MIS18A: variants seen among roughly 807,000 people sequenced by gnomAD.
MIS18A encodes the protein protein Mis18-alpha.
A neutral mutation model predicts 25.0 loss-of-function variants in MIS18A; 14 were observed. The observed-to-expected ratio is 0.56, with a 90% CI of 0.37 to 0.88. The LOEUF (loss-of-function observed/expected upper bound fraction) is 0.88, where lower values mean the gene tolerates loss of function less well. Among genes scored for constraint, MIS18A ranks in the 40% least tolerant of loss-of-function variants. MIS18A has a pLI of 0.00. For synonymous variants in MIS18A, 134 were observed against 118.6 expected, an observed-to-expected ratio of 1.13 and a Z score of -0.84; for missense variants, 292 against 290.8, an observed-to-expected ratio of 1.00 and a Z score of -0.03.
the MIS18A span, among the ~76,000 whole-genome samples, chr21:32,205,395 C>G: frequency 1.3e-5 from 2 of 152,088 alleles, no homozygotes; most frequent in African/African-American, 4.8e-5. Context: ...ATTCATCCTT[C>G]TTATCTGTCT....
At chr21:32,251,345 C>G in the MIS18A span, among the ~76,000 whole-genome samples, 26 of 152,206 alleles carry the variant, frequency 1.7e-4, no homozygotes, top group South Asian at 2.1e-4. Flanking sequence ...GTCTCTCTCT[C>G]TCTCTTTCCT....
the MIS18A span, among the ~76,000 whole-genome samples, chr21:32,202,713 G>A: frequency 6.6e-6 from 1 of 152,130 alleles, no homozygotes. Flanking sequence ...CTTTACCTAA[G>A]TGAAATCAGA....
intron 3 of MIS18A, 130 bp from the exon 4 acceptor site, chr21:32,269,933 A>T: frequency 3.2e-6 from 2 of 626,092 alleles, no homozygotes; most frequent in Non-Finnish European, 5.6e-6. Flanking sequence ...GCAACACAAG[A>T]CCCCGGGCAA....
chr21:32,275,212 A>T (rs2031787659), intron 1 of MIS18A, among the ~76,000 whole-genome samples: 1 of 152,174 alleles, frequency 6.6e-6, no homozygotes, highest in African/African-American at 2.4e-5. Flanking sequence ...CATCTCTAAA[A>T]AAAAATTTTT....
chr21:32,260,329 G>A, the MIS18A span: 1 of 152,222 alleles, frequency 6.6e-6, no homozygotes. Flanking sequence ...GGGCTTCCTG[G>A]AGGAAGTGGC....
At position 32,274,832 on chromosome 21, in the gene MIS18A, A is replaced by G; in HGVS notation, c.399T>C (p.Gly133=). ...QKLSKREKEN[G]CVLETLCCAG... The stretch of plus-strand genomic sequence containing the variant: ...CATATAAATACAGTTTTACTCACCA[A>G]CCATTTTCCTTTTCACGTTTGGATA... The change falls in exon 2 of 5, where the codon GGT becomes GGC. Residue 133 remains glycine, a splice_region_variant and synonymous_variant. Transcript: ENST00000290130. 1 of 1,610,516 alleles carries G rather than the reference A, an allele frequency of 6.2e-7. No homozygotes were observed. Among genetic ancestry groups the G allele is most frequent in the East Asian group, 2.2e-5 (1 of 44,838 alleles).
the MIS18A span, among the ~76,000 whole-genome samples, chr21:32,228,653 C>T: frequency 6.6e-6 from 1 of 152,088 alleles, no homozygotes. Flanking sequence ...AGCTAATAAA[C>T]GAGTTCAGCA....
At chr21:32,160,285 AACACACACACACACACAC>A in the MIS18A span, among the ~76,000 whole-genome samples, 15 of 145,606 alleles carry the variant, frequency 1.0e-4, no homozygotes, top group Admixed American at 6.9e-4. Context: ...ACACCTCTGC[AACACACACACACACACAC>A]ACACACACAC....
the MIS18A span, among the ~76,000 whole-genome samples, chr21:32,182,674 C>T: frequency 8.0e-3 from 1,219 of 152,276 alleles, 11 homozygotes; most frequent in Non-Finnish European, 0.013. Context: ...CATAAGAACA[C>T]GGTGCAATAA....
At chr21:32,202,741 T>C in the MIS18A span, among the ~76,000 whole-genome samples, 1 of 152,258 alleles carries the variant, frequency 6.6e-6, no homozygotes, top group African/African-American at 2.4e-5. Context: ...TGTCTTTTTA[T>C]GACACACTTA....
chr21:32,278,611 G>A, intron 1 of MIS18A, 70 bp downstream of exon 1: 1 of 1,414,098 alleles, frequency 7.1e-7, no homozygotes, highest in East Asian at 2.5e-5. Context: ...CTCCTCCCGG[G>A]CCGCCCACGC....
chr21:32,173,707 A>G, the MIS18A span, among the ~76,000 whole-genome samples: 1 of 152,176 alleles, frequency 6.6e-6, no homozygotes, highest in Non-Finnish European at 1.5e-5. Flanking sequence ...AATACCCAGA[A>G]CAGGCAAATC....
chr21:32,168,725 T>A, the MIS18A span, among the ~76,000 whole-genome samples: 1 of 151,890 alleles, frequency 6.6e-6, no homozygotes, highest in African/African-American at 2.4e-5. Flanking sequence ...ACTGAAAGAG[T>A]AGTGAAAAAA....
chr21:32,174,117 A>C, the MIS18A span, among the ~76,000 whole-genome samples: 2 of 151,778 alleles, frequency 1.3e-5, no homozygotes, highest in Non-Finnish European at 2.9e-5. Flanking sequence ...GGTGCCCGCC[A>C]CCATGCCCAG....
At chr21:32,257,200 G>A in the MIS18A span, among the ~76,000 whole-genome samples, 1 of 152,338 alleles carries the variant, frequency 6.6e-6, no homozygotes, top group East Asian at 1.9e-4. Flanking sequence ...ACTTGAGCAA[G>A]TGAAATGACT....
chr21:32,237,782 G>A, the MIS18A span, among the ~76,000 whole-genome samples: 2 of 151,966 alleles, frequency 1.3e-5, no homozygotes, highest in African/African-American at 4.8e-5. Context: ...TTATTTTATT[G>A]TTAACATACT....
At chr21:32,188,429 G>A in the MIS18A span, among the ~76,000 whole-genome samples, 3 of 152,200 alleles carry the variant, frequency 2.0e-5, no homozygotes, top group Non-Finnish European at 4.4e-5. Flanking sequence ...GAGGGACCCT[G>A]GAGCTAGGGA....
chr21:32,276,460 C>CAAAAAAAAAAA, intron 1 of MIS18A, among the ~76,000 whole-genome samples: 1 of 72,742 alleles, frequency 1.4e-5, no homozygotes, highest in Non-Finnish European at 2.9e-5. Flanking sequence ...GACTCTGTCT[C>CAAAAAAAAAAA]AAAAAAAAAA....
chr21:32,202,438 A>G, the MIS18A span, among the ~76,000 whole-genome samples: 1 of 152,248 alleles, frequency 6.6e-6, no homozygotes, highest in Admixed American at 6.5e-5. Context: ...AAACAATTAG[A>G]AAATAGCAAA....
Sources: allele counts gnomAD v4.1 joint callset (sites outside exome capture counted in the v4.1 genomes callset), GRCh38; gene constraint gnomAD v4.1.1; transcripts MANE v1.5; gene names NCBI Gene and HGNC (gene_info 2026-07-23, HGNC 2026-07-21).